The following TSHZ1 variants were observed in gnomAD, a reference collection of about 807,000 sequenced individuals.
TSHZ1 encodes teashirt zinc finger homeobox 1.
In TSHZ1, 12 loss-of-function variants were observed where a neutral mutation model predicts 67.1. The ratio of observed to expected loss-of-function variants is 0.18; its 90% CI spans 0.11 to 0.29. The LOEUF is 0.29. Among genes scored for constraint, TSHZ1 ranks in the 10% least tolerant of loss-of-function variants. The probability of loss-of-function intolerance (pLI) is 1.00; values close to 1 mark genes in which losing one functional copy is unlikely to be tolerated. For missense variants in TSHZ1, 1,305 were observed against 1,413.9 expected (o/e 0.92, Z 1.23); for synonymous variants, 632 against 622.4 (o/e 1.02, Z -0.23).
rs1555724517 is a variant in TSHZ1, at chr18:75,211,004, G to GGT, written c.-872_-871insTG. ...GTTGTTGCCTTTTTTTTTTCTTGGAGGGGGGGGTGCTTTTTGTGTATTTTT... is the reference window on the plus strand; with the variant it reads ...GTTGTTGCCTTTTTTTTTTCTTGGAGGTGGGGGGGTGCTTTTTGTGTATTTTT... On this transcript the variant is annotated 5_prime_UTR_variant, in exon 1 of 2. An upstream open reading frame in the 5' UTR gains an earlier in-frame stop. Coordinates refer to ENST00000580243, the MANE Select transcript of TSHZ1 (RefSeq NM_001308210.2). 1 of 28,472 alleles carries GGT rather than the reference G, an allele frequency of 3.5e-5. No homozygotes were observed. The highest frequency in any genetic ancestry group is 7.4e-5 in the Non-Finnish European group (1 of 13,530). 1.8% of individuals were successfully genotyped at this position (28,472 alleles called of 1,614,324 possible). A position where few individuals can be genotyped will look rare whatever the true frequency, so the allele number is the denominator to read the frequency against.
At position 75,281,701 on chromosome 18, in the gene TSHZ1, G is replaced by A. The variant is rs1288434405; in HGVS notation, c.41-3747G>A. On this transcript the variant is annotated intron_variant, in intron 1 of 1. Coordinates refer to ENST00000580243, the MANE Select transcript of TSHZ1 (RefSeq NM_001308210.2). This position sits in a 1 kb window ranked among gnomAD's most constrained non-coding sequence, Gnocchi z 5.3. ...CTGGGGATGCGGCAGCTCAGAACGGGGAGCGGGTAGCGGTCACCGAGGGTC... is the reference window on the plus strand; with the variant it reads ...CTGGGGATGCGGCAGCTCAGAACGGAGAGCGGGTAGCGGTCACCGAGGGTC... 6.6e-6 allele frequency among the ~76,000 whole-genome samples: 1 copy of A among 152,156 alleles called. No homozygotes were observed. Among genetic ancestry groups the A allele is most frequent in the African/African-American group, 2.4e-5 (1 of 41,440 alleles).
chr18:75,282,738 A>G (rs1428316421), intron 1 of TSHZ1: 3 of 152,156 alleles, frequency 2.0e-5, no homozygotes, highest in African/African-American at 7.2e-5. Flanking sequence ...GACTGGGAGA[A>G]AGGAAGTTCT....
chr18:75,217,511 C>G (rs1274491661), intron 1 of TSHZ1, among the ~76,000 whole-genome samples: 1 of 152,044 alleles, frequency 6.6e-6, no homozygotes, highest in Non-Finnish European at 1.5e-5. Context: ...AAAGACTGTA[C>G]TTTGGAGGCA....
intron 1 of TSHZ1, among the ~76,000 whole-genome samples, chr18:75,242,432 C>T (rs755468120): frequency 3.7e-4 from 56 of 152,294 alleles, no homozygotes; most frequent in African/African-American, 7.5e-4. Flanking sequence ...AGAAAGGTCC[C>T]CAATTGCTTA....
intron 1 of TSHZ1, among the ~76,000 whole-genome samples, chr18:75,237,895 C>T (rs1447251397): frequency 6.6e-6 from 1 of 152,072 alleles, no homozygotes. Context: ...TCTCTGCAAC[C>T]TCCGCCTCCT....
At chr18:75,278,518 C>T (rs2023642986) in intron 1 of TSHZ1, among the ~76,000 whole-genome samples, 1 of 152,142 alleles carries the variant, frequency 6.6e-6, no homozygotes, top group Non-Finnish European at 1.5e-5. Context: ...GATTCTGGCC[C>T]TGGGATCTGG....
At chr18:75,250,236 C>T (rs896752317) in intron 1 of TSHZ1, among the ~76,000 whole-genome samples, 14 of 152,124 alleles carry the variant, frequency 9.2e-5, no homozygotes, top group Non-Finnish European at 1.3e-4. Context: ...GGGGTGACCT[C>T]CTGGCTGGCC....
chr18:75,236,190 C>T (rs1410086006), intron 1 of TSHZ1, among the ~76,000 whole-genome samples: 1 of 152,160 alleles, frequency 6.6e-6, no homozygotes, highest in Non-Finnish European at 1.5e-5. Flanking sequence ...GTGCTGGGGC[C>T]TCCCAAATCT....
At chr18:75,212,075 C>T (rs968412243) in intron 1 of TSHZ1, among the ~76,000 whole-genome samples, 159 bp downstream of exon 1, 4 of 152,098 alleles carry the variant, frequency 2.6e-5, no homozygotes, top group East Asian at 3.9e-4. Flanking sequence ...AGGCTGCGGT[C>T]GCCGTCCTCC....
intron 1 of TSHZ1, among the ~76,000 whole-genome samples, chr18:75,246,403 G>GGGGTGTGTGTGTGTGT (rs1555727131): frequency 1.8e-5 from 2 of 108,372 alleles, no homozygotes; most frequent in Non-Finnish European, 3.8e-5. Flanking sequence ...TTTGGTTTCT[G>GGGGTGTGTGTGTGTGT]GTGTGTGTGT....
chr18:75,223,988 A>G (rs999991244), intron 1 of TSHZ1, among the ~76,000 whole-genome samples: 1 of 151,696 alleles, frequency 6.6e-6, no homozygotes, highest in African/African-American at 2.4e-5. Context: ...GCAGAGTGCA[A>G]ATCATTCGGG....
intron 1 of TSHZ1, among the ~76,000 whole-genome samples, chr18:75,269,450 T>C (rs1461647558): frequency 6.6e-6 from 1 of 150,460 alleles, no homozygotes; most frequent in East Asian, 2.0e-4. Flanking sequence ...GGCTGCAGGG[T>C]GTGGGGGAAT....
chr18:75,287,402 C>T lies in TSHZ1; in HGVS notation c.1995C>T (p.Ser665=), dbSNP rs2023790127. The T allele has an allele frequency of 6.2e-7, 1 of 1,614,068 alleles. No homozygotes were observed. Among genetic ancestry groups the T allele is most frequent in the Non-Finnish European group, 8.5e-7 (1 of 1,180,022 alleles). The change falls in exon 2 of 2, where the codon TCC becomes TCT. Residue 665 remains serine (S), a synonymous_variant. Transcript: ENST00000580243. The surrounding 1 kb of genome is among the most constrained non-coding windows in gnomAD (Gnocchi z 5.0). ...EERPPEKEKS[S]LAKAASPIAK... Reference sequence around the variant, plus strand: ...GACCCCCTGAGAAGGAGAAGAGCTCCCTGGCCAAGGCTGCGTCCCCCATAG... The same window carrying T: ...GACCCCCTGAGAAGGAGAAGAGCTCTCTGGCCAAGGCTGCGTCCCCCATAG...
intron 1 of TSHZ1, among the ~76,000 whole-genome samples, chr18:75,251,320 C>G (rs2581661): frequency 6.6e-6 from 1 of 151,974 alleles, no homozygotes; most frequent in East Asian, 1.9e-4. Flanking sequence ...TGTGAACATT[C>G]TTATCTGAAT....
At chr18:75,259,212 G>A (rs985056474) in intron 1 of TSHZ1, among the ~76,000 whole-genome samples, 1 of 152,150 alleles carries the variant, frequency 6.6e-6, no homozygotes, top group Admixed American at 6.5e-5. Context: ...TTGCTCCAGA[G>A]AGAGATTTCA....
chr18:75,222,225 C>CT lies in TSHZ1; in HGVS notation c.40+10323dup, dbSNP rs11365940. Among the ~76,000 whole-genome samples, 538 of 139,006 alleles carry CT rather than the reference C, an allele frequency of 3.9e-3. 6 individuals are homozygous for CT. The highest frequency in any genetic ancestry group is 0.02 in the Admixed American group (271 of 13,780). 91.2% of individuals were successfully genotyped at this position (139,006 alleles called of 152,430 possible). A position where few individuals can be genotyped will look rare whatever the true frequency, so the allele number is the denominator to read the frequency against. Reference sequence around the variant, plus strand: ...TTTTTGCAGTGGAAAAGTTGCCTGACTTTTTTTTTTTTTTAAGCAGGTATT... The same window carrying CT: ...TTTTTGCAGTGGAAAAGTTGCCTGACTTTTTTTTTTTTTTTAAGCAGGTATT... On this transcript the variant is annotated intron_variant, in intron 1 of 1. Coordinates refer to ENST00000580243, the MANE Select transcript of TSHZ1 (RefSeq NM_001308210.2).
rs2023806956 is a variant in TSHZ1 at position 75,288,067 on chromosome 18, G to A, written c.2660G>A (p.Gly887Asp). 1 of 1,613,556 alleles carries A rather than the reference G, an allele frequency of 6.2e-7. No individual in the cohort carries two copies. Among genetic ancestry groups the A allele is most frequent in the African/African-American group, 1.3e-5 (1 of 74,924 alleles). Reference protein sequence around the residue: ...DELSPVHKRKGRQSNWNPQHL... With the variant: ...DELSPVHKRKDRQSNWNPQHL... ...CTGTCACCGGTCCACAAGAGGAAGGGCCGGCAGTCCAACTGGAACCCGCAG... is the reference window on the plus strand; with the variant it reads ...CTGTCACCGGTCCACAAGAGGAAGGACCGGCAGTCCAACTGGAACCCGCAG... Residue 887 changes from glycine to aspartate, a missense_variant, in exon 2 of 2, where the codon GGC (glycine) becomes GAC (aspartate). Coordinates refer to ENST00000580243, the MANE Select transcript of TSHZ1 (RefSeq NM_001308210.2). This position sits in a 1 kb window ranked among gnomAD's most constrained non-coding sequence, Gnocchi z 4.9.
chr18:75,276,786 A>G (rs1446356303), intron 1 of TSHZ1, among the ~76,000 whole-genome samples: 1 of 152,248 alleles, frequency 6.6e-6, no homozygotes, highest in African/African-American at 2.4e-5. Flanking sequence ...TGGCAATACA[A>G]TAGTGAAATT....
rs1264481386 is a variant in TSHZ1 at position 75,286,947 on chromosome 18, GAGA to G, written c.1544_1546del (p.Lys515del). ...GAAGCCGCCTGTGGCTGGCGACGCG[GAGA>G]AGATCAAGGAGGAGAGTGAGGACAG... On this transcript the variant is annotated inframe_deletion, in exon 2 of 2. Coordinates refer to ENST00000580243, the MANE Select transcript of TSHZ1 (RefSeq NM_001308210.2). This position sits in a 1 kb window ranked among gnomAD's most constrained non-coding sequence, Gnocchi z 5.1. 3 of 1,614,064 alleles carry G rather than the reference GAGA, an allele frequency of 1.9e-6. No homozygotes were observed. Among genetic ancestry groups the G allele is most frequent in the African/African-American group, 2.7e-5 (2 of 74,948 alleles).
Sources: gnomAD v4.1 joint callset for allele counts (sites outside exome capture counted in the v4.1 genomes callset) on GRCh38, gnomAD v4.1.1 for gene constraint, Gnocchi (gnomAD v3.1) non-coding constraint, MANE v1.5 for transcripts, NCBI Gene and HGNC (gene_info 2026-07-23, HGNC 2026-07-21) for gene names.